KCNIP4: variants seen among roughly 807,000 people sequenced by gnomAD.
KCNIP4 encodes potassium voltage-gated channel interacting protein 4, also known as Kv channel-interacting protein 4.
KCNIP4 carries 12 observed loss-of-function variants against 34.0 expected under a neutral mutation model. That is an observed-to-expected ratio of 0.35 (90% CI 0.23 to 0.57). The LOEUF is 0.57. Ranked by LOEUF, KCNIP4 falls within the 20% of genes least tolerant of loss-of-function variation. The pLI is 0.83. For missense variants in KCNIP4, 238 were observed against 311.7 expected (o/e 0.76, Z 1.78); for synonymous variants, 124 against 102.2 (o/e 1.21, Z -1.29).
At chr4:21,022,181 C>A (rs562728313) in intron 1 of KCNIP4, among the ~76,000 whole-genome samples, 43 of 152,150 alleles carry the variant, frequency 2.8e-4, no homozygotes, top group Non-Finnish European at 5.9e-4. Flanking sequence ...TGTATTTAAG[C>A]TGCTTAAATT....
At chr4:21,736,039 G>A (rs943947555) in intron 1 of KCNIP4, among the ~76,000 whole-genome samples, 2 of 152,182 alleles carry the variant, frequency 1.3e-5, no homozygotes, top group African/African-American at 4.8e-5. Flanking sequence ...AGCTGTTAGA[G>A]ACGGCGTGTG....
At chr4:21,181,570 T>C (rs927516325) in intron 1 of KCNIP4, among the ~76,000 whole-genome samples, 1 of 152,096 alleles carries the variant, frequency 6.6e-6, no homozygotes, top group Non-Finnish European at 1.5e-5. Context: ...GGGGTCATGG[T>C]TGATACCATG....
intron 1 of KCNIP4, among the ~76,000 whole-genome samples, chr4:21,776,337 T>A (rs4624641): frequency 0.057 from 8,619 of 152,260 alleles, 815 homozygotes; most frequent in African/African-American, 0.19. Context: ...CTATGGTTTT[T>A]TTTTTCGATG....
Position 21,131,433 on chromosome 4 carries a change from C to A in KCNIP4, c.62-248724G>T, listed in dbSNP as rs566024629. ...GACCATCCTGGCTAACACGGTGAAA[C>A]CCCGTCTCTACTAAAAATACAAAAA... On this transcript the variant is annotated intron_variant, in intron 1 of 8. Transcript: ENST00000382152. 3.1e-3 allele frequency among the ~76,000 whole-genome samples: 468 copies of A among 152,210 alleles called. 2 individuals carry two copies. Among genetic ancestry groups the A allele is most frequent in the African/African-American group, 0.011 (442 of 41,534 alleles).
chr4:21,750,998 T>C (rs758242652), intron 1 of KCNIP4, among the ~76,000 whole-genome samples: 1 of 152,148 alleles, frequency 6.6e-6, no homozygotes, highest in Non-Finnish European at 1.5e-5. Flanking sequence ...TAGGGGGTCC[T>C]ACTGTAGGAC....
rs79492288 is a variant in KCNIP4 at position 21,179,081 on chromosome 4, T to A, written c.62-296372A>T. 7.0e-3 allele frequency among the ~76,000 whole-genome samples: 1,061 copies of A among 152,278 alleles called. 44 individuals are homozygous for A. The East Asian group carries it at 0.14, about 21-fold the overall frequency. ...ATCCACCTGCCTTGGCCTCCCAAAGTGCTGTGATTACAGGCGTGAGCCACC... is the reference window on the plus strand; with the variant it reads ...ATCCACCTGCCTTGGCCTCCCAAAGAGCTGTGATTACAGGCGTGAGCCACC... On this transcript the variant is annotated intron_variant, in intron 1 of 8. Coordinates refer to ENST00000382152, the MANE Select transcript of KCNIP4 (RefSeq NM_025221.6).
At position 21,349,501 on chromosome 4, in the gene KCNIP4, C is replaced by T. The variant is rs760549818; in HGVS notation, c.62-466792G>A. 6.6e-5 allele frequency among the ~76,000 whole-genome samples: 10 copies of T among 152,188 alleles called. 1 individual carries two copies. The highest frequency in any genetic ancestry group is 3.3e-4 in the Admixed American group (5 of 15,274). On this transcript the variant is annotated intron_variant, in intron 1 of 8. Transcript: ENST00000382152. ...GTGCATGCAATGTGTCATTCAGCAG[C>T]GTCTTTTATAAACCTTTAATGAAGC... is the stretch of plus-strand genomic sequence containing the variant.
chr4:21,750,573 A>G (rs1219547396), intron 1 of KCNIP4, among the ~76,000 whole-genome samples: 1 of 152,206 alleles, frequency 6.6e-6, no homozygotes, highest in Non-Finnish European at 1.5e-5. Flanking sequence ...GTGGCTAATT[A>G]TAAACATATT....
At chr4:21,447,544 G>A (rs980172370) in intron 1 of KCNIP4, among the ~76,000 whole-genome samples, 1 of 152,114 alleles carries the variant, frequency 6.6e-6, no homozygotes, top group Non-Finnish European at 1.5e-5. Flanking sequence ...CCCCCTAGTG[G>A]ATGCCTGAAC....
chr4:21,256,619 T>G, intron 1 of KCNIP4, among the ~76,000 whole-genome samples: 1 of 151,610 alleles, frequency 6.6e-6, no homozygotes, highest in Non-Finnish European at 1.5e-5. Context: ...AAAAGAGAGA[T>G]AAGTAAGAGA....
intron 1 of KCNIP4, among the ~76,000 whole-genome samples, chr4:21,272,305 T>G (rs1762200978): frequency 6.6e-6 from 1 of 152,036 alleles, no homozygotes; most frequent in Non-Finnish European, 1.5e-5. Flanking sequence ...AAATGCTATA[T>G]TAGAGTTGGC....
At chr4:21,008,020 G>C (rs1461400037) in intron 1 of KCNIP4, among the ~76,000 whole-genome samples, 6 of 152,072 alleles carry the variant, frequency 3.9e-5, no homozygotes, top group African/African-American at 1.2e-4. Context: ...TGTCCCCCCT[G>C]TCTGGGATGA....
At chr4:21,283,823 A>T (rs1282714612) in intron 1 of KCNIP4, among the ~76,000 whole-genome samples, 4 of 151,650 alleles carry the variant, frequency 2.6e-5, no homozygotes, top group Admixed American at 6.6e-5. Context: ...AAATAAATAA[A>T]TCATGCTACT....
At chr4:20,923,859 A>T (rs1450871918) in intron 1 of KCNIP4, among the ~76,000 whole-genome samples, 4 of 150,672 alleles carry the variant, frequency 2.7e-5, no homozygotes, top group African/African-American at 7.3e-5. Flanking sequence ...TTGCATTAAA[A>T]TTTTTTTTTT....
At chr4:21,880,161 G>C (rs1004890124) in intron 1 of KCNIP4, among the ~76,000 whole-genome samples, 2 of 152,046 alleles carry the variant, frequency 1.3e-5, no homozygotes, top group Non-Finnish European at 2.9e-5. Context: ...TATGGCATGG[G>C]GAGACTTTTG....
rs528747242 is a variant in KCNIP4 at position 20,894,846 on chromosome 4, G to A, written c.62-12137C>T. On this transcript the variant is annotated intron_variant, in intron 1 of 8. Coordinates refer to ENST00000382152, the MANE Select transcript of KCNIP4 (RefSeq NM_025221.6). ...CATCTTGAACATGATCTTGTTCTAA[G>A]AAAAGATGCAGACAAATAATGCCTA... Among the ~76,000 whole-genome samples, 31 of 152,282 alleles carry A rather than the reference G, an allele frequency of 2.0e-4. No individual in the cohort carries two copies. In the South Asian group the frequency reaches 6.2e-3, roughly 31 times the overall value.
intron 1 of KCNIP4, among the ~76,000 whole-genome samples, chr4:21,080,223 AT>A (rs1274399036): frequency 6.6e-6 from 1 of 151,772 alleles, no homozygotes; most frequent in Non-Finnish European, 1.5e-5. Context: ...AAGTTATTAA[AT>A]TTTTACATGA....
intron 1 of KCNIP4, among the ~76,000 whole-genome samples, chr4:21,509,248 ACT>A (rs1402147422): frequency 6.6e-6 from 1 of 151,964 alleles, no homozygotes; most frequent in Non-Finnish European, 1.5e-5. Flanking sequence ...TTTTGCAAAC[ACT>A]CTTTCATTTG....
At chr4:21,647,898 G>A (rs979630650) in intron 1 of KCNIP4, among the ~76,000 whole-genome samples, 2 of 107,284 alleles carry the variant, frequency 1.9e-5, no homozygotes, top group Non-Finnish European at 3.4e-5. Context: ...TTTTTAGACA[G>A]TGTCTCACTC....
Sources: allele counts gnomAD v4.1 joint callset (sites outside exome capture counted in the v4.1 genomes callset), GRCh38; gene constraint gnomAD v4.1.1; transcripts MANE v1.5; gene names NCBI Gene and HGNC (gene_info 2026-07-23, HGNC 2026-07-21).